PXDNL: variants seen among roughly 807,000 people sequenced by gnomAD.
PXDNL encodes probable oxidoreductase PXDNL.
A neutral mutation model predicts 150.8 loss-of-function variants in PXDNL; 145 were observed. That is an observed-to-expected ratio of 0.96 (90% CI 0.84 to 1.10). The LOEUF is 1.10. PXDNL is among the 50% of genes least tolerant of loss of function. The pLI, the probability that PXDNL is intolerant of heterozygous loss-of-function variation, is 0.00. For missense variants in PXDNL, 2,087 were observed against 1,873.9 expected (o/e 1.11, Z -2.10); for synonymous variants, 757 against 725.7 (o/e 1.04, Z -0.69).
chr8:51,772,879 G>C (rs924948037), intron 1 of PXDNL, among the ~76,000 whole-genome samples: 2 of 152,194 alleles, frequency 1.3e-5, no homozygotes, highest in African/African-American at 4.8e-5. Context: ...GAGGGGCACT[G>C]ACCCCATTAA....
At chr8:51,484,035 T>C (rs1810666131) in intron 5 of PXDNL, among the ~76,000 whole-genome samples, 1 of 152,242 alleles carries the variant, frequency 6.6e-6, no homozygotes, top group Admixed American at 6.5e-5. Context: ...AAATAGTCAA[T>C]GTATTCATTA....
intron 1 of PXDNL, among the ~76,000 whole-genome samples, chr8:51,779,759 G>C (rs1402140146): frequency 2.6e-5 from 4 of 152,238 alleles, no homozygotes; most frequent in Admixed American, 2.0e-4. Flanking sequence ...CTTTTCAGCT[G>C]TGACAATGAT....
At chr8:51,694,062 C>A (rs535604659) in intron 1 of PXDNL, among the ~76,000 whole-genome samples, 2 of 152,274 alleles carry the variant, frequency 1.3e-5, no homozygotes, top group Non-Finnish European at 2.9e-5. Context: ...TTCCACCCAC[C>A]AATGGGAGGC....
chr8:51,691,817 G>A (rs1006091057), intron 1 of PXDNL, among the ~76,000 whole-genome samples: 3 of 152,068 alleles, frequency 2.0e-5, no homozygotes, highest in Non-Finnish European at 2.9e-5. Context: ...CCTCAGCCCC[G>A]GCCAGCAGAG....
At chr8:51,476,884 T>C (rs904470334) in intron 6 of PXDNL, among the ~76,000 whole-genome samples, 3 of 152,296 alleles carry the variant, frequency 2.0e-5, no homozygotes, top group African/African-American at 7.2e-5. Flanking sequence ...ATGCCATAAA[T>C]TTAATAACTT....
chr8:51,321,956 TGTAA>T (rs148057858), intron 21 of PXDNL, among the ~76,000 whole-genome samples: 50,819 of 151,622 alleles, frequency 0.34, 10,126 homozygotes, highest in African/African-American at 0.56. Flanking sequence ...CCTCGAAGGA[TGTAA>T]TTAAGGTTAA....
chr8:51,695,014 G>A (rs1253731417), intron 1 of PXDNL, among the ~76,000 whole-genome samples: 1 of 152,156 alleles, frequency 6.6e-6, no homozygotes, highest in East Asian at 1.9e-4. Flanking sequence ...CTCTCTGAAG[G>A]CTGGGCCAAT....
chr8:51,557,597 G>T (rs909501836), intron 3 of PXDNL, among the ~76,000 whole-genome samples: 4 of 152,104 alleles, frequency 2.6e-5, no homozygotes, highest in African/African-American at 9.7e-5. Context: ...CTCAGGGTTT[G>T]AGACAATCAG....
In PXDNL at chr8:51,474,976, A is replaced by T. The variant is rs570162108; in HGVS notation, c.690T>A (p.Asn230Lys). The T allele has an allele frequency of 6.3e-7, 1 of 1,592,112 alleles. No homozygotes were observed. Among genetic ancestry groups the T allele is most frequent in the East Asian group, 2.3e-5 (1 of 44,156 alleles). ...TACACATTGAAATTTACGTACGGCA[A>T]TTGAATTCCTCTACTGTTACTGAAG... is the stretch of plus-strand genomic sequence containing the variant. ...AVASVTVEEF[N>K]CQSPRITFEP... Residue 230 changes from asparagine to lysine, a missense_variant, in exon 7 of 23, where the codon AAT becomes AAA. By Grantham distance (94) the Asn-to-Lys change is moderately conservative (BLOSUM62 0). Transcript: ENST00000356297.
intron 16 of PXDNL, 66 bp from the exon 17 acceptor site, chr8:51,409,627 C>A: frequency 1.4e-6 from 2 of 1,386,496 alleles, no homozygotes. Context: ...ACTTGGAACT[C>A]CAGATGCTGC....
chr8:51,608,571 C>A lies in PXDNL; in HGVS notation c.237-15873G>T, dbSNP rs187839327. The stretch of plus-strand genomic sequence containing the variant: ...AAGTATTGCAGGCCGGGCGCGGTGG[C>A]TCACGCCTGTAATCCCAGCACTTTG... On this transcript the variant is annotated intron_variant, in intron 2 of 22. Transcript: ENST00000356297. 3.4e-5 allele frequency among the ~76,000 whole-genome samples: 5 copies of A among 148,148 alleles called. 1 individual carries two copies. Among genetic ancestry groups the A allele is most frequent in the Middle Eastern group, 6.9e-3 (2 of 290 alleles).
chr8:51,518,076 G>C lies in PXDNL; in HGVS notation c.381-18306C>G, dbSNP rs538217783. ...GTTTCTTCACAGTGTTCTTCCTAAC[G>C]TCAGGGTCAGTGTATCTTGTTTTGT... On this transcript the variant is annotated intron_variant, in intron 4 of 22. Transcript: ENST00000356297. 2.0e-5 allele frequency among the ~76,000 whole-genome samples: 3 copies of C among 152,248 alleles called. No individual in the cohort carries two copies. The South Asian group carries it at 6.2e-4, about 32-fold the overall frequency.
chr8:51,412,590 C>T (rs1241955834), intron 15 of PXDNL, among the ~76,000 whole-genome samples: 1 of 152,196 alleles, frequency 6.6e-6, no homozygotes, highest in Non-Finnish European at 1.5e-5. Context: ...TTTTTGACCA[C>T]TAACTGCAAA....
intron 1 of PXDNL, among the ~76,000 whole-genome samples, chr8:51,798,955 A>G (rs528784137): frequency 6.6e-6 from 1 of 152,286 alleles, no homozygotes; most frequent in African/African-American, 2.4e-5. Context: ...ATGCACACAT[A>G]TCTTCACAAT....
At chr8:51,684,822 C>T (rs1005660820) in intron 1 of PXDNL, among the ~76,000 whole-genome samples, 1 of 152,090 alleles carries the variant, frequency 6.6e-6, no homozygotes, top group African/African-American at 2.4e-5. Context: ...AGAATGGTCC[C>T]CAGATGACAG....
intron 14 of PXDNL, among the ~76,000 whole-genome samples, chr8:51,419,701 T>C (rs1221856443): frequency 1.3e-5 from 2 of 152,186 alleles, no homozygotes; most frequent in African/African-American, 4.8e-5. Context: ...GTTAATATAA[T>C]ATAGGGAGTG....
chr8:51,526,468 G>T (rs4291262), intron 4 of PXDNL, among the ~76,000 whole-genome samples: 28,205 of 151,996 alleles, frequency 0.19, 2,830 homozygotes, highest in Admixed American at 0.25. Context: ...AGGTTATACA[G>T]CCATCTAGAA....
chr8:51,520,127 T>G (rs2130379637), intron 4 of PXDNL, among the ~76,000 whole-genome samples: 1 of 152,042 alleles, frequency 6.6e-6, no homozygotes, highest in East Asian at 1.9e-4. Context: ...CTGTGGGAGC[T>G]TCCCTCCCAC....
chr8:51,704,025 C>T (rs1405769826), intron 1 of PXDNL, among the ~76,000 whole-genome samples: 1 of 152,184 alleles, frequency 6.6e-6, no homozygotes, highest in African/African-American at 2.4e-5. Context: ...TGCATGTACT[C>T]ATGGCATTGC....
Sources: allele counts gnomAD v4.1 joint callset (sites outside exome capture counted in the v4.1 genomes callset), GRCh38; gene constraint gnomAD v4.1.1; transcripts MANE v1.5; gene names NCBI Gene and HGNC (gene_info 2026-07-23, HGNC 2026-07-21).